The following HIGD1A variants were observed in gnomAD, a reference collection of about 807,000 sequenced individuals.
HIGD1A encodes the protein HIG1 hypoxia inducible domain family member 1A, also known as HIG1 domain family member 1A, mitochondrial.
A neutral mutation model predicts 11.3 loss-of-function variants in HIGD1A; 8 were observed. The observed-to-expected ratio is 0.71, with a 90% CI of 0.42 to 1.28. The LOEUF is 1.28. Among genes scored for constraint, HIGD1A ranks in the 50% most tolerant of loss-of-function variants. HIGD1A has a pLI of 0.01. For synonymous variants in HIGD1A, 32 were observed against 38.4 expected (o/e 0.83, Z 0.62); for missense variants, 107 against 118.8 (o/e 0.90, Z 0.46).
At chr3:42,786,211 A>G (rs1700349917) in intron 2 of HIGD1A, 49 bp from the exon 3 acceptor site, 1 of 1,598,254 alleles carries the variant, frequency 6.3e-7, no homozygotes, top group Non-Finnish European at 8.6e-7. Flanking sequence ...AGGGACCAAG[A>G]TGACTTTACC....
chr3:42,800,340 T>TAAAAGA (rs199680705), intron 1 of HIGD1A, among the ~76,000 whole-genome samples: 5 of 148,048 alleles, frequency 3.4e-5, no homozygotes, highest in Middle Eastern at 3.4e-3. Flanking sequence ...TTTTAAAAAA[T>TAAAAGA]AAAAGAAAAA....
intron 1 of HIGD1A, among the ~76,000 whole-genome samples, chr3:42,803,056 C>T (rs778844494): frequency 6.6e-6 from 1 of 152,216 alleles, no homozygotes; most frequent in Non-Finnish European, 1.5e-5. Flanking sequence ...TTTTTCACTA[C>T]ACCACTGCCA....
chr3:42,801,454 C>T (rs933932477), intron 1 of HIGD1A, among the ~76,000 whole-genome samples: 4 of 152,190 alleles, frequency 2.6e-5, no homozygotes, highest in African/African-American at 9.7e-5. Flanking sequence ...ACCTGCTCTG[C>T]TTGTATCCAA....
intron 1 of HIGD1A, among the ~76,000 whole-genome samples, chr3:42,795,496 G>A (rs1458881956): frequency 6.6e-6 from 1 of 152,048 alleles, no homozygotes; most frequent in Non-Finnish European, 1.5e-5. Context: ...TTACAGGCAT[G>A]AGCTACCACA....
chr3:42,796,528 G>A (rs73077214), intron 1 of HIGD1A, among the ~76,000 whole-genome samples: 26,732 of 151,650 alleles, frequency 0.18, 2,732 homozygotes, highest in Non-Finnish European at 0.23. Flanking sequence ...CCAAGACAGG[G>A]GAATTGCAAT....
At chr3:42,792,174 C>T (rs1404735111) in intron 2 of HIGD1A, among the ~76,000 whole-genome samples, 1 of 152,082 alleles carries the variant, frequency 6.6e-6, no homozygotes, top group Non-Finnish European at 1.5e-5. Context: ...ACTTTTGCAA[C>T]TAACTTATTA....
Position 42,786,165 on chromosome 3 carries a change from GTAAA to G in HIGD1A, c.98-7_98-4del. ...AATTGCTGCAAAACCCGCTATTCCTGTAAAACAAAGTAACAAGTATGTCAGATGC... is the reference window on the plus strand; with the variant it reads ...AATTGCTGCAAAACCCGCTATTCCTGACAAAGTAACAAGTATGTCAGATGC... On this transcript the variant is annotated splice_polypyrimidine_tract_variant and splice_region_variant and intron_variant, in intron 2 of 3. Transcript: ENST00000321331. 1.2e-6 allele frequency: 2 copies of G among 1,613,874 alleles called. No individual in the cohort carries two copies. The highest frequency in any genetic ancestry group is 1.7e-6 in the Non-Finnish European group (2 of 1,179,846).
At position 42,794,284 on chromosome 3, in the gene HIGD1A, G is replaced by T. The variant is rs753658507; in HGVS notation, c.-22-9C>A. 2 of 1,557,952 alleles carry T rather than the reference G, an allele frequency of 1.3e-6. No homozygotes were observed. Among genetic ancestry groups the T allele is most frequent in the African/African-American group, 2.8e-5 (2 of 71,328 alleles). ...TTGCTTGAAGAATCTCCCTGAGAAA[G>T]AATTTCTATGAGGTTCTGTAATTAA... On this transcript the variant is annotated splice_polypyrimidine_tract_variant and intron_variant, in intron 1 of 3. Coordinates refer to ENST00000321331, the MANE Select transcript of HIGD1A (RefSeq NM_014056.4).
chr3:42,802,082 AAG>A (rs1337341862), intron 1 of HIGD1A, among the ~76,000 whole-genome samples: 1 of 152,318 alleles, frequency 6.6e-6, no homozygotes, highest in African/African-American at 2.4e-5. Context: ...TAAAAATAGC[AAG>A]AAAGTTGGTA....
chr3:42,785,277 C>T lies in HIGD1A; in HGVS notation c.276G>A (p.Lys92=). ...SMYREFWAKP[K]P is the part of the protein sequence containing the mutation. ...CAAGACAGCATCTCTTCTTCTAAGG[C>T]TTAGGTTTTGCCCAGAATTCCCGAT... is the stretch of plus-strand genomic sequence containing the variant. Residue 92 remains lysine, a synonymous_variant, in exon 4 of 4, where the codon AAG becomes AAA. Transcript: ENST00000321331. 2 of 1,610,646 alleles carry T rather than the reference C, an allele frequency of 1.2e-6. No individual in the cohort carries two copies. Among genetic ancestry groups the T allele is most frequent in the East Asian group, 2.2e-5 (1 of 44,842 alleles).
chr3:42,784,343 A>AAC lies in HIGD1A; in HGVS notation c.*926_*927dup, dbSNP rs1700321954. 6.6e-6 allele frequency: 1 copy of AAC among 152,236 alleles called. No homozygotes were observed. The highest frequency in any genetic ancestry group is 2.4e-5 in the African/African-American group (1 of 41,462). The allele number at this position is 152,236 out of a possible 1,614,324, so 9.4% of individuals were successfully genotyped here. A position where few individuals can be genotyped will look rare whatever the true frequency, so the allele number is the denominator to read the frequency against. On this transcript the variant is annotated 3_prime_UTR_variant, in exon 4 of 4. Coordinates refer to ENST00000321331, the MANE Select transcript of HIGD1A (RefSeq NM_014056.4). ...TTAATAACAATACATATACCATGTT[A>AAC]ACACCATGGAATGCAAATTCAGATT...
chr3:42,794,451 C>G (rs1233340028), intron 1 of HIGD1A, among the ~76,000 whole-genome samples, 176 bp from the exon 2 acceptor site: 1 of 152,210 alleles, frequency 6.6e-6, no homozygotes, highest in African/African-American at 2.4e-5. Context: ...CAGTCACTCT[C>G]AAGGGAGAGT....
intron 2 of HIGD1A, among the ~76,000 whole-genome samples, chr3:42,786,988 T>C (rs1438751911): frequency 1.3e-5 from 2 of 152,004 alleles, no homozygotes; most frequent in Non-Finnish European, 2.9e-5. Context: ...TCCAGTCAAA[T>C]AAAAACAGTG....
intron 2 of HIGD1A, among the ~76,000 whole-genome samples, chr3:42,793,903 G>C (rs1240835735): frequency 6.6e-6 from 1 of 152,064 alleles, no homozygotes; most frequent in Non-Finnish European, 1.5e-5. Flanking sequence ...CTGAGAGGTC[G>C]AGGGATGGGG....
chr3:42,803,091 C>T (rs150855216), intron 1 of HIGD1A, among the ~76,000 whole-genome samples: 4 of 152,332 alleles, frequency 2.6e-5, no homozygotes, highest in Admixed American at 6.5e-5. Flanking sequence ...ATCGTTTTCT[C>T]ATCCACCCAC....
Position 42,804,487 on chromosome 3 carries a change from G to T in HIGD1A, c.-74C>A. 1 of 449,974 alleles carries T rather than the reference G, an allele frequency of 2.2e-6. No homozygotes were observed. The highest frequency in any genetic ancestry group is 2.0e-5 in the African/African-American group (1 of 49,370). The allele number at this position is 449,974 out of a possible 1,614,324, so 27.9% of individuals were successfully genotyped here. A position where few individuals can be genotyped will look rare whatever the true frequency, so the allele number is the denominator to read the frequency against. ...CAACCGGCTTCCGATCCCTGCAGGC[G>T]CACCCAGTCCTCCCGGCTTCTCCCC... is the stretch of plus-strand genomic sequence containing the variant. On this transcript the variant is annotated 5_prime_UTR_variant, in exon 1 of 4. Transcript: ENST00000321331.
rs1383571602 is a variant in HIGD1A, at chr3:42,784,005, G to A, written c.*1266C>T. Among the ~76,000 whole-genome samples, 1 of 151,576 alleles carries A rather than the reference G, an allele frequency of 6.6e-6. No individual in the cohort carries two copies. Among genetic ancestry groups the A allele is most frequent in the Non-Finnish European group, 1.5e-5 (1 of 67,974 alleles). On this transcript the variant is annotated 3_prime_UTR_variant, in exon 4 of 4. Transcript: ENST00000321331. ...GCAAGAGAATCACTTGAACCTGGGG[G>A]ATGGAAGTTGCAGTGAGCCAAGATC...
chr3:42,799,683 T>G (rs1700531142), intron 1 of HIGD1A, among the ~76,000 whole-genome samples: 1 of 151,998 alleles, frequency 6.6e-6, no homozygotes, highest in Non-Finnish European at 1.5e-5. Flanking sequence ...CTCAAACTCC[T>G]GGCCCCAAGT....
chr3:42,803,991 T>A (rs530152182), intron 1 of HIGD1A, among the ~76,000 whole-genome samples: 2 of 152,204 alleles, frequency 1.3e-5, no homozygotes, highest in Non-Finnish European at 2.9e-5. Flanking sequence ...CGTGACTCCG[T>A]GACCGGAGCG....
Sources: allele counts gnomAD v4.1 joint callset (sites outside exome capture counted in the v4.1 genomes callset), GRCh38; gene constraint gnomAD v4.1.1; transcripts MANE v1.5; gene names NCBI Gene and HGNC (gene_info 2026-07-23, HGNC 2026-07-21).